NRXN1: variants seen among roughly 807,000 people sequenced by gnomAD.
NRXN1 encodes neurexin-1.
A neutral mutation model predicts 150.9 loss-of-function variants in NRXN1; 39 were observed. That is an observed-to-expected ratio of 0.26 (90% confidence interval 0.20 to 0.34). The LOEUF is 0.34. Ranked by LOEUF, NRXN1 falls within the 10% of genes least tolerant of loss-of-function variation. The probability of loss-of-function intolerance (pLI) is 1.00; values close to 1 mark genes in which losing one functional copy is unlikely to be tolerated. For synonymous variants in NRXN1, 924 were observed against 757.0 expected, an observed-to-expected ratio of 1.22 and a Z score of -3.62; for missense variants, 1,815 against 1,949.9, an observed-to-expected ratio of 0.93 and a Z score of 1.30.
At chr2:50,121,146 C>T (rs1281397420) in intron 18 of NRXN1, among the ~76,000 whole-genome samples, 1 of 152,162 alleles carries the variant, frequency 6.6e-6, no homozygotes. Context: ...GCCTCAGCCT[C>T]CCAAGTAGCT....
At chr2:50,796,151 G>A (rs897843850) in intron 5 of NRXN1, among the ~76,000 whole-genome samples, 2 of 152,100 alleles carry the variant, frequency 1.3e-5, no homozygotes, top group Non-Finnish European at 2.9e-5. Flanking sequence ...GGCTGTCTGC[G>A]TGACTATAAC....
At chr2:50,553,629 T>C (rs1320772695) in intron 8 of NRXN1, among the ~76,000 whole-genome samples, 1 of 152,244 alleles carries the variant, frequency 6.6e-6, no homozygotes, top group Non-Finnish European at 1.5e-5. Context: ...CTGACCTGCA[T>C]CAATACCTTT....
chr2:50,546,080 G>A (rs955524784), intron 9 of NRXN1, among the ~76,000 whole-genome samples: 9 of 152,090 alleles, frequency 5.9e-5, no homozygotes, highest in East Asian at 1.9e-4. Context: ...GGGCCGGGCC[G>A]ACTGTATACA....
chr2:50,747,110 T>TA lies in NRXN1; in HGVS notation c.833-123496dup, dbSNP rs1367855735. On this transcript the variant is annotated intron_variant, in intron 5 of 22. Coordinates refer to ENST00000401669, the MANE Select transcript of NRXN1 (RefSeq NM_001330078.2). ...AGATTATCATGAGTGGTAAAGAAGA[T>TA]AGAGACCGGCATTAGAGGGTGGGGC... is the stretch of plus-strand genomic sequence containing the variant. Among the ~76,000 whole-genome samples the TA allele has an allele frequency of 7.2e-5, 11 of 152,196 alleles. No homozygotes were observed. In the South Asian group the frequency reaches 8.3e-4, roughly 11 times the overall value.
intron 5 of NRXN1, among the ~76,000 whole-genome samples, chr2:50,718,189 G>T (rs1410305483): frequency 6.6e-6 from 1 of 152,092 alleles, no homozygotes; most frequent in African/African-American, 2.4e-5. Flanking sequence ...TAAAAAATAG[G>T]TTCCTCTCTT....
chr2:50,218,243 A>T (rs528418825), intron 18 of NRXN1, among the ~76,000 whole-genome samples: 6 of 152,176 alleles, frequency 3.9e-5, no homozygotes, highest in African/African-American at 1.4e-4. Flanking sequence ...TTTCTATCCC[A>T]AGAAGCTAAC....
intron 15 of NRXN1, among the ~76,000 whole-genome samples, chr2:50,474,551 T>A (rs1176115092): frequency 1.3e-5 from 2 of 151,542 alleles, no homozygotes; most frequent in African/African-American, 4.8e-5. Context: ...GAGGGAGCAG[T>A]GAGAGCTCTG....
intron 22 of NRXN1, among the ~76,000 whole-genome samples, chr2:49,941,952 G>A (rs1176448503): frequency 6.6e-6 from 1 of 152,116 alleles, no homozygotes; most frequent in South Asian, 2.1e-4. Context: ...ATGCAGAGAT[G>A]GGACTGATAT....
chr2:50,262,403 T>C (rs1006684416), intron 17 of NRXN1, among the ~76,000 whole-genome samples: 1 of 151,920 alleles, frequency 6.6e-6, no homozygotes, highest in Non-Finnish European at 1.5e-5. Context: ...ATAGAAATAG[T>C]AGTCTAAAAC....
chr2:50,565,240 A>G (rs1669667453), intron 8 of NRXN1, among the ~76,000 whole-genome samples: 1 of 152,124 alleles, frequency 6.6e-6, no homozygotes, highest in African/African-American at 2.4e-5. Flanking sequence ...CAGTATGCAT[A>G]CATTTTTGGA....
chr2:50,636,077 G>T (rs935542366), intron 5 of NRXN1, among the ~76,000 whole-genome samples: 1 of 151,898 alleles, frequency 6.6e-6, no homozygotes, highest in African/African-American at 2.4e-5. Flanking sequence ...AGAATATCAC[G>T]ATGCCCAACA....
intron 17 of NRXN1, among the ~76,000 whole-genome samples, chr2:50,268,998 A>G (rs1259074240): frequency 6.6e-6 from 1 of 152,264 alleles, no homozygotes; most frequent in African/African-American, 2.4e-5. Flanking sequence ...GTGGTTTCTG[A>G]TTATCAGATA....
chr2:50,321,821 A>G (rs1575078274), intron 17 of NRXN1, among the ~76,000 whole-genome samples: 1 of 152,244 alleles, frequency 6.6e-6, no homozygotes, highest in Non-Finnish European at 1.5e-5. Flanking sequence ...TAATAAAACA[A>G]TTAACCAGAA....
chr2:50,520,977 G>A (rs1015461884), intron 12 of NRXN1, among the ~76,000 whole-genome samples: 1 of 151,842 alleles, frequency 6.6e-6, no homozygotes, highest in Non-Finnish European at 1.5e-5. Context: ...ATAATATTTT[G>A]GTTTTAATTT....
intron 5 of NRXN1, among the ~76,000 whole-genome samples, chr2:50,832,073 A>AG (rs1295914692): frequency 6.6e-6 from 1 of 152,214 alleles, no homozygotes; most frequent in Non-Finnish European, 1.5e-5. Flanking sequence ...CATAAGGAAA[A>AG]TATTATTTTA....
chr2:50,426,554 A>G (rs1026032871), intron 17 of NRXN1, among the ~76,000 whole-genome samples: 7 of 152,208 alleles, frequency 4.6e-5, no homozygotes, highest in Non-Finnish European at 7.4e-5. Flanking sequence ...CATGTATTTG[A>G]GAGTGGAGAG....
chr2:50,568,635 C>T (rs572091689), intron 8 of NRXN1, among the ~76,000 whole-genome samples: 1 of 152,102 alleles, frequency 6.6e-6, no homozygotes, highest in South Asian at 2.1e-4. Context: ...CAAACACAAG[C>T]AATAACAAGT....
chr2:50,114,322 C>T (rs982297396), intron 18 of NRXN1, among the ~76,000 whole-genome samples: 1 of 152,072 alleles, frequency 6.6e-6, no homozygotes, highest in African/African-American at 2.4e-5. Context: ...CACTATAAAC[C>T]TAGTAGAATG....
chr2:49,953,368 A>G (rs1352729796), intron 21 of NRXN1, among the ~76,000 whole-genome samples: 1 of 152,092 alleles, frequency 6.6e-6, no homozygotes, highest in East Asian at 1.9e-4. Context: ...CTCAGATGTC[A>G]CAATGTTATC....
Sources: gnomAD v4.1 joint callset for allele counts (sites outside exome capture counted in the v4.1 genomes callset) on GRCh38, gnomAD v4.1.1 for gene constraint, MANE v1.5 for transcripts, NCBI Gene and HGNC (gene_info 2026-07-23, HGNC 2026-07-21) for gene names.